CLEC7A: variants seen among roughly 807,000 people sequenced by gnomAD.
CLEC7A encodes the protein C-type lectin domain family 7 member A.
A neutral mutation model predicts 26.9 loss-of-function variants in CLEC7A; 25 were observed. The ratio of observed to expected loss-of-function variants is 0.93; its 90% CI spans 0.68 to 1.30. CLEC7A has a LOEUF of 1.30. CLEC7A is among the 50% of genes most tolerant of loss of function. CLEC7A has a pLI of 0.00. For missense variants in CLEC7A, 275 were observed against 286.7 expected, an observed-to-expected ratio of 0.96 and a Z score of 0.29; for synonymous variants, 100 against 99.5, an observed-to-expected ratio of 1.01 and a Z score of -0.03.
At chr12:10,122,000 T>C (rs1176925515) in intron 5 of CLEC7A, among the ~76,000 whole-genome samples, 1 of 152,058 alleles carries the variant, frequency 6.6e-6, no homozygotes, top group South Asian at 2.1e-4. Flanking sequence ...AGTGAGACTC[T>C]GTCTCAAAAA....
At chr12:10,127,896 G>A in intron 1 of CLEC7A, 51 bp from the exon 2 acceptor site, 3 of 1,257,940 alleles carry the variant, frequency 2.4e-6, no homozygotes, top group Non-Finnish European at 3.3e-6. Context: ...AATGACGGAT[G>A]GTGGGGCAGT....
At chr12:10,120,573 TTGTC>T (rs1389423920) in intron 5 of CLEC7A, among the ~76,000 whole-genome samples, 1 of 151,384 alleles carries the variant, frequency 6.6e-6, no homozygotes, top group Admixed American at 6.6e-5. Flanking sequence ...GTGCGCCACC[TTGTC>T]TGTCTAATTT....
chr12:10,120,786 G>T (rs911790944), intron 5 of CLEC7A, among the ~76,000 whole-genome samples: 2 of 147,404 alleles, frequency 1.4e-5, no homozygotes, highest in Non-Finnish European at 3.0e-5. Flanking sequence ...ACTGAGTCTG[G>T]CTCAGTCACC....
intron 1 of CLEC7A, among the ~76,000 whole-genome samples, chr12:10,128,241 CA>C (rs113824353): frequency 0.14 from 19,552 of 141,058 alleles, 1,524 homozygotes; most frequent in Non-Finnish European, 0.18. Context: ...CACACACACA[CA>C]CACACCACCA....
intron 4 of CLEC7A, chr12:10,125,074 C>T (rs1349753079): frequency 1.7e-6 from 1 of 592,276 alleles, no homozygotes; most frequent in Admixed American, 2.7e-5. Context: ...GGTGGTGCAC[C>T]CTGTAGTCCT....
At chr12:10,119,928 G>A (rs539488636) in intron 5 of CLEC7A, among the ~76,000 whole-genome samples, 12 of 151,810 alleles carry the variant, frequency 7.9e-5, no homozygotes, top group Admixed American at 2.0e-4. Flanking sequence ...TATTCTGAAA[G>A]TTAGAAGACA....
intron 2 of CLEC7A, chr12:10,126,941 A>G: frequency 2.2e-6 from 2 of 909,270 alleles, no homozygotes; most frequent in Non-Finnish European, 1.5e-6. Flanking sequence ...AAGAAAAAAG[A>G]AGGTGGAGAA....
intron 1 of CLEC7A, among the ~76,000 whole-genome samples, chr12:10,128,616 T>C (rs778237932): frequency 2.6e-5 from 4 of 152,176 alleles, no homozygotes; most frequent in Non-Finnish European, 5.9e-5. Flanking sequence ...TTTGTGAAAC[T>C]GGGGTAATAA....
chr12:10,121,262 A>C (rs1460197738), intron 5 of CLEC7A, among the ~76,000 whole-genome samples: 1 of 148,662 alleles, frequency 6.7e-6, no homozygotes, highest in Non-Finnish European at 1.5e-5. Flanking sequence ...GAAAGAGCAC[A>C]TTCCAAATGA....
At position 10,130,090 on chromosome 12, in the gene CLEC7A, G is replaced by A. The variant is rs763904722; in HGVS notation, c.-8C>T. The A allele has an allele frequency of 7.3e-7, 1 of 1,374,896 alleles. No individual in the cohort carries two copies. Among genetic ancestry groups the A allele is most frequent in the South Asian group, 1.2e-5 (1 of 85,526 alleles). The allele number at this position is 1,374,896 out of a possible 1,614,324, so 85.2% of individuals were successfully genotyped here. A position where few individuals can be genotyped will look rare whatever the true frequency, so the allele number is the denominator to read the frequency against. On this transcript the variant is annotated 5_prime_UTR_variant, in exon 1 of 6. It introduces an in-frame stop codon into an upstream open reading frame of the 5' UTR. Coordinates refer to ENST00000304084, the MANE Select transcript of CLEC7A (RefSeq NM_197947.3). Reference sequence around the variant, plus strand: ...ATCAGGATGATATTCCATTGTTCTTGAGAGCCCCTGAATAGATATAGCATT... The same window carrying A: ...ATCAGGATGATATTCCATTGTTCTTAAGAGCCCCTGAATAGATATAGCATT...
intron 5 of CLEC7A, among the ~76,000 whole-genome samples, chr12:10,120,245 A>G (rs1948035217): frequency 1.3e-5 from 2 of 152,238 alleles, no homozygotes; most frequent in South Asian, 4.1e-4. Context: ...GGAGAAGGGA[A>G]AAAAGATGGG....
rs1433395268 is a variant in CLEC7A, at chr12:10,118,060, T to G, written c.*398A>C. 1 of 169,300 alleles carries G rather than the reference T, an allele frequency of 5.9e-6. No homozygotes were observed. Among genetic ancestry groups the G allele is most frequent in the Non-Finnish European group, 1.3e-5 (1 of 79,708 alleles). 10.5% of individuals were successfully genotyped at this position (169,300 alleles called of 1,614,324 possible). A position where few individuals can be genotyped will look rare whatever the true frequency, so the allele number is the denominator to read the frequency against. On this transcript the variant is annotated 3_prime_UTR_variant, in exon 6 of 6. Coordinates refer to ENST00000304084, the MANE Select transcript of CLEC7A (RefSeq NM_197947.3). Reference sequence around the variant, plus strand: ...CTACAAAAAACACCAAAAATTAGCCTGGCATGGTGGCATGCACCTGTAGTC... The same window carrying G: ...CTACAAAAAACACCAAAAATTAGCCGGGCATGGTGGCATGCACCTGTAGTC...
chr12:10,122,172 A>C (rs1310545305), intron 5 of CLEC7A, among the ~76,000 whole-genome samples: 1 of 149,496 alleles, frequency 6.7e-6, no homozygotes, highest in Non-Finnish European at 1.5e-5. Context: ...CAGATGAAAA[A>C]ACACACACAG....
In CLEC7A at chr12:10,121,115, G is replaced by C. The variant is rs936014481; in HGVS notation, c.611+2130C>G. ...TTGAGGAGAGAGTCAACAGAGTAAA[G>C]GAATGCTCTATGATTTTTATATTGG... On this transcript the variant is annotated intron_variant, in intron 5 of 5. Coordinates refer to ENST00000304084, the MANE Select transcript of CLEC7A (RefSeq NM_197947.3). Among the ~76,000 whole-genome samples the C allele has an allele frequency of 2.6e-5, 4 of 151,686 alleles. 1 individual carries two copies. In the South Asian group the frequency reaches 8.3e-4, roughly 32 times the overall value.
chr12:10,123,447 C>T (rs1253247765), intron 4 of CLEC7A, 84 bp from the exon 5 acceptor site: 3 of 895,504 alleles, frequency 3.4e-6, no homozygotes, highest in Non-Finnish European at 5.4e-6. Context: ...GAGAAAAAGA[C>T]AACTGATTGA....
intron 1 of CLEC7A, among the ~76,000 whole-genome samples, chr12:10,129,101 A>G (rs1221252155): frequency 6.6e-6 from 1 of 152,132 alleles, no homozygotes; most frequent in South Asian, 2.1e-4. Flanking sequence ...CCTTCTTTCT[A>G]TTTCATTTCA....
At chr12:10,120,816 G>A (rs1302548957) in intron 5 of CLEC7A, among the ~76,000 whole-genome samples, 6 of 148,274 alleles carry the variant, frequency 4.0e-5, no homozygotes, top group Admixed American at 2.7e-4. Flanking sequence ...GTGCAGTGGT[G>A]CGATCTCGGC....
At chr12:10,126,506 C>T in intron 3 of CLEC7A, 65 bp downstream of exon 3, 1 of 1,515,538 alleles carries the variant, frequency 6.6e-7, no homozygotes, top group South Asian at 1.3e-5. Context: ...CACCCCTGCC[C>T]CAGGCTTCAG....
intron 2 of CLEC7A, chr12:10,127,328 G>A: frequency 6.5e-7 from 1 of 1,535,236 alleles, no homozygotes. Context: ...ATAGCTTAAT[G>A]TCCATTTAGT....
Sources: gnomAD v4.1 joint callset for allele counts (sites outside exome capture counted in the v4.1 genomes callset) on GRCh38, gnomAD v4.1.1 for gene constraint, MANE v1.5 for transcripts, NCBI Gene and HGNC (gene_info 2026-07-23, HGNC 2026-07-21) for gene names.